The following ACBD6 variants were observed in gnomAD, a reference collection of about 807,000 sequenced individuals.
ACBD6 encodes acyl-CoA binding domain containing 6, also known as acyl-CoA-binding domain-containing protein 6.
ACBD6 carries 28 observed loss-of-function variants against 37.2 expected under a neutral mutation model. The ratio of observed to expected loss-of-function variants is 0.75; its 90% confidence interval spans 0.56 to 1.03. ACBD6 has a LOEUF of 1.03. Among genes scored for constraint, ACBD6 ranks in the 50% least tolerant of loss-of-function variants. ACBD6 has a pLI of 0.00. For missense variants in ACBD6, 340 were observed against 337.4 expected (o/e 1.01, Z -0.06); for synonymous variants, 113 against 126.8 (o/e 0.89, Z 0.73).
chr1:180,289,878 AT>A (rs1208451978), intron 7 of ACBD6, among the ~76,000 whole-genome samples: 2 of 152,200 alleles, frequency 1.3e-5, no homozygotes, highest in Admixed American at 6.5e-5. Flanking sequence ...AAAGAATATG[AT>A]TCAGACATAC....
chr1:180,327,247 A>G (rs1167252158), intron 6 of ACBD6, among the ~76,000 whole-genome samples: 1 of 152,078 alleles, frequency 6.6e-6, no homozygotes, highest in East Asian at 1.9e-4. Flanking sequence ...TGCTCCTTCT[A>G]TGTGTGGGTG....
intron 3 of ACBD6, among the ~76,000 whole-genome samples, chr1:180,439,709 A>G (rs777610483): frequency 6.6e-6 from 1 of 152,066 alleles, no homozygotes; most frequent in Non-Finnish European, 1.5e-5. Flanking sequence ...ATCTTCTGTT[A>G]TCTTGGTTAT....
intron 3 of ACBD6, among the ~76,000 whole-genome samples, chr1:180,456,612 G>A (rs1278209863): frequency 6.6e-6 from 1 of 152,288 alleles, no homozygotes; most frequent in South Asian, 2.1e-4. Flanking sequence ...GATACATCAT[G>A]AAACAGCAAC....
chr1:180,477,061 T>C (rs1470640063), intron 3 of ACBD6, among the ~76,000 whole-genome samples: 4 of 152,080 alleles, frequency 2.6e-5, no homozygotes, highest in African/African-American at 7.2e-5. Flanking sequence ...CCTGAAACTG[T>C]AGACACTACA....
intron 6 of ACBD6, among the ~76,000 whole-genome samples, chr1:180,389,571 T>C (rs1013521747): frequency 1.3e-4 from 20 of 152,270 alleles, no homozygotes; most frequent in South Asian, 4.1e-4. Context: ...CCTGAGGAAT[T>C]GCCACACTGA....
At chr1:180,282,382 T>C (rs1241342623) in intron 8 of ACBD6, among the ~76,000 whole-genome samples, 3 of 151,592 alleles carry the variant, frequency 2.0e-5, no homozygotes, top group Non-Finnish European at 2.9e-5. Flanking sequence ...ACATTTGGAG[T>C]TGGAAATAAG....
chr1:180,392,778 T>C (rs1384178401), intron 6 of ACBD6, among the ~76,000 whole-genome samples: 1 of 150,520 alleles, frequency 6.6e-6, no homozygotes, highest in African/African-American at 2.4e-5. Flanking sequence ...GTTTTTGAAA[T>C]CTTTTATAAG....
At chr1:180,322,154 G>A (rs986647867) in intron 6 of ACBD6, among the ~76,000 whole-genome samples, 1 of 152,056 alleles carries the variant, frequency 6.6e-6, no homozygotes, top group Non-Finnish European at 1.5e-5. Context: ...ATGATATAAT[G>A]TATCACACTG....
intron 3 of ACBD6, among the ~76,000 whole-genome samples, chr1:180,449,228 T>A (rs530698454): frequency 6.6e-6 from 1 of 152,316 alleles, no homozygotes; most frequent in East Asian, 1.9e-4. Context: ...GTATGAATAC[T>A]ATTTCAACAT....
At chr1:180,424,056 TACTC>T (rs1287257029) in intron 4 of ACBD6, among the ~76,000 whole-genome samples, 1 of 152,124 alleles carries the variant, frequency 6.6e-6, no homozygotes, top group Non-Finnish European at 1.5e-5. Flanking sequence ...TAACTGAAGA[TACTC>T]ACCATATTAA....
At chr1:180,284,786 C>T (rs928729391), downstream of ACBD6, among the ~76,000 whole-genome samples, 3 of 152,026 alleles carry the variant, frequency 2.0e-5, no homozygotes, top group Non-Finnish European at 4.4e-5. Context: ...TTTGCTTATC[C>T]TGATAACATA....
intron 5 of ACBD6, among the ~76,000 whole-genome samples, chr1:180,408,778 C>A (rs1647732637): frequency 6.6e-6 from 1 of 151,898 alleles, no homozygotes. Flanking sequence ...AGAAACAAAT[C>A]AATAATGTCT....
At chr1:180,382,950 C>A (rs142801858) in intron 6 of ACBD6, among the ~76,000 whole-genome samples, 2 of 152,124 alleles carry the variant, frequency 1.3e-5, no homozygotes, top group African/African-American at 2.4e-5. Flanking sequence ...AAAAACCATA[C>A]GACCATCTCA....
At chr1:180,414,408 G>T (rs957460035) in intron 4 of ACBD6, among the ~76,000 whole-genome samples, 7 of 152,220 alleles carry the variant, frequency 4.6e-5, no homozygotes, top group African/African-American at 1.7e-4. Context: ...GGTCATAGGA[G>T]TTCTTCTATC....
chr1:180,415,408 C>G (rs1349520593), intron 4 of ACBD6, among the ~76,000 whole-genome samples: 2 of 150,138 alleles, frequency 1.3e-5, no homozygotes, highest in African/African-American at 4.9e-5. Context: ...AACAAACAAA[C>G]AAACACACGC....
chr1:180,444,741 C>T (rs1023134667), intron 3 of ACBD6, among the ~76,000 whole-genome samples: 3 of 152,126 alleles, frequency 2.0e-5, no homozygotes, highest in Admixed American at 2.0e-4. Flanking sequence ...AATTTGGCAG[C>T]GAACAGGATA....
At chr1:180,499,254 T>C (rs185511324) in intron 1 of ACBD6, among the ~76,000 whole-genome samples, 77 of 152,386 alleles carry the variant, frequency 5.1e-4, no homozygotes, top group Non-Finnish European at 8.8e-5. Flanking sequence ...CTTCCAACTT[T>C]ATTATTCTAT....
intron 1 of ACBD6, among the ~76,000 whole-genome samples, chr1:180,495,883 T>C (rs1226573465): frequency 1.3e-5 from 2 of 152,208 alleles, no homozygotes. Context: ...ATTTTTAATA[T>C]GAAATTAATA....
chr1:180,362,743 G>T (rs1374746565), intron 6 of ACBD6, among the ~76,000 whole-genome samples: 1 of 151,952 alleles, frequency 6.6e-6, no homozygotes, highest in Non-Finnish European at 1.5e-5. Context: ...TATCAACACT[G>T]GTAAAAATAC....
Sources: gnomAD v4.1 joint callset for allele counts (sites outside exome capture counted in the v4.1 genomes callset) on GRCh38, gnomAD v4.1.1 for gene constraint, MANE v1.5 for transcripts, NCBI Gene and HGNC (gene_info 2026-07-23, HGNC 2026-07-21) for gene names.